Variants in TENM3 observed in about 807,000 individuals in gnomAD.
The protein encoded by TENM3 is teneurin transmembrane protein 3, also known as teneurin-3.
A neutral mutation model predicts 255.1 loss-of-function variants in TENM3; 63 were observed. The ratio of observed to expected loss-of-function variants is 0.25; its 90% CI spans 0.20 to 0.30. The LOEUF (loss-of-function observed/expected upper bound fraction) is 0.30. Among genes scored for constraint, TENM3 ranks in the 10% least tolerant of loss-of-function variants. TENM3 has a pLI of 1.00. For synonymous variants in TENM3, 1,306 were observed against 1,322.3 expected (o/e 0.99, Z 0.27); for missense variants, 2,929 against 3,461.1 (o/e 0.85, Z 3.86).
At chr4:182,473,924 C>T (rs1300771248) in intron 3 of TENM3, among the ~76,000 whole-genome samples, 3 of 152,160 alleles carry the variant, frequency 2.0e-5, no homozygotes, top group Non-Finnish European at 4.4e-5. Context: ...TGCCACTGCA[C>T]TCCAGCCTGG....
chr4:181,569,173 T>TA, the TENM3 span, among the ~76,000 whole-genome samples: 1 of 152,158 alleles, frequency 6.6e-6, no homozygotes, highest in Admixed American at 6.5e-5. Context: ...GTCTCTAAAA[T>TA]AAAAAACAGC....
the TENM3 span, among the ~76,000 whole-genome samples, chr4:182,138,806 T>C: frequency 2.0e-5 from 3 of 152,222 alleles, no homozygotes; most frequent in African/African-American, 7.2e-5. Context: ...TTTCTCATTG[T>C]TTTTGTCTTT....
chr4:181,802,145 A>G, the TENM3 span, among the ~76,000 whole-genome samples: 8 of 152,210 alleles, frequency 5.3e-5, no homozygotes, highest in African/African-American at 1.7e-4. Flanking sequence ...TTAACAGCCA[A>G]TCAAGGCACA....
intron 4 of TENM3, among the ~76,000 whole-genome samples, chr4:182,603,057 T>C (rs7668575): frequency 0.19 from 29,229 of 152,178 alleles, 3,193 homozygotes; most frequent in South Asian, 0.3. Flanking sequence ...TGGAATAATT[T>C]TGAGAAGAGT....
chr4:182,078,463 A>G, the TENM3 span, among the ~76,000 whole-genome samples: 5 of 152,170 alleles, frequency 3.3e-5, no homozygotes, highest in African/African-American at 1.2e-4. Flanking sequence ...TGGAGATTGC[A>G]GTGAGCTGAG....
At chr4:181,489,663 G>A in the TENM3 span, among the ~76,000 whole-genome samples, 2 of 152,142 alleles carry the variant, frequency 1.3e-5, no homozygotes, top group African/African-American at 4.8e-5. Context: ...GTACATGCAT[G>A]TGTGTGTATA....
At chr4:181,574,573 A>G in the TENM3 span, among the ~76,000 whole-genome samples, 1 of 152,152 alleles carries the variant, frequency 6.6e-6, no homozygotes, top group African/African-American at 2.4e-5. Context: ...GTTTATCAGG[A>G]TATGATCATT....
intron 18 of TENM3, among the ~76,000 whole-genome samples, chr4:182,740,778 T>G (rs896781759): frequency 3.9e-5 from 6 of 152,210 alleles, no homozygotes; most frequent in African/African-American, 1.2e-4. Flanking sequence ...ACACACATAT[T>G]CTAAACCAGA....
At chr4:182,114,443 T>C in the TENM3 span, among the ~76,000 whole-genome samples, 2 of 151,552 alleles carry the variant, frequency 1.3e-5, no homozygotes, top group African/African-American at 4.9e-5. Context: ...AGAATTTTAT[T>C]CCAATCGTTT....
the TENM3 span, among the ~76,000 whole-genome samples, chr4:182,083,974 C>T: frequency 6.6e-6 from 1 of 152,006 alleles, no homozygotes; most frequent in African/African-American, 2.4e-5. Context: ...AAAAAAGTGA[C>T]CTTTAATTCA....
rs1470014606 is a variant in TENM3 at position 182,282,892 on chromosome 4, C to CAA, written c.-76+39417_-76+39418insAA. On this transcript the variant is annotated intron_variant, in intron 1 of 27. Coordinates refer to ENST00000511685, the MANE Select transcript of TENM3 (RefSeq NM_001080477.4). ...TGGGTGGCAGAGTGAGACTCCATTT[C>CAA]AGAAAAAAAAAAAAAAAAAAAAAAT... is the stretch of plus-strand genomic sequence containing the variant. 6.1e-3 allele frequency among the ~76,000 whole-genome samples: 549 copies of CAA among 89,344 alleles called. 11 individuals carry two copies. The highest frequency in any genetic ancestry group is 0.026 in the African/African-American group (524 of 20,238). The allele number at this position is 89,344 out of a possible 152,430, so 58.6% of individuals were successfully genotyped here. A position where few individuals can be genotyped will look rare whatever the true frequency, so the allele number is the denominator to read the frequency against.
chr4:181,522,956 G>A, the TENM3 span: 1 of 715,256 alleles, frequency 1.4e-6, no homozygotes, highest in East Asian at 2.9e-5. Flanking sequence ...AGTATGAGAA[G>A]GCTGAGATAA....
intron 2 of TENM3, among the ~76,000 whole-genome samples, chr4:182,342,190 G>A (rs1244965686): frequency 1.3e-5 from 2 of 152,204 alleles, no homozygotes; most frequent in Admixed American, 6.5e-5. Context: ...GTACAGGAAT[G>A]TTCCTGGAAG....
At chr4:181,813,455 T>A in the TENM3 span, among the ~76,000 whole-genome samples, 6 of 152,202 alleles carry the variant, frequency 3.9e-5, no homozygotes, top group South Asian at 1.2e-3. Context: ...ACATCTCCAA[T>A]AGGTTGTTTG....
intron 1 of TENM3, among the ~76,000 whole-genome samples, chr4:182,243,723 T>C (rs1757440904): frequency 6.6e-6 from 1 of 152,150 alleles, no homozygotes; most frequent in African/African-American, 2.4e-5. Context: ...CCAAAAATAC[T>C]GTGAACTATT....
intron 22 of TENM3, among the ~76,000 whole-genome samples, chr4:182,757,074 A>G (rs1680107758): frequency 6.6e-6 from 1 of 152,064 alleles, no homozygotes; most frequent in South Asian, 2.1e-4. Context: ...GCACTTTGGG[A>G]GGCCGAGGCA....
intron 3 of TENM3, among the ~76,000 whole-genome samples, chr4:182,595,698 C>T (rs898196508): frequency 6.6e-6 from 1 of 151,894 alleles, no homozygotes; most frequent in Non-Finnish European, 1.5e-5. Context: ...TGCATAATTT[C>T]TCATAACCAT....
the TENM3 span, among the ~76,000 whole-genome samples, chr4:181,857,778 G>A: frequency 6.6e-6 from 1 of 151,850 alleles, no homozygotes; most frequent in Non-Finnish European, 1.5e-5. Context: ...AAAAAAGAGA[G>A]AGAGAGACTG....
chr4:182,332,157 A>G (rs905255951), intron 2 of TENM3, among the ~76,000 whole-genome samples: 13 of 152,170 alleles, frequency 8.5e-5, no homozygotes, highest in Non-Finnish European at 1.8e-4. Context: ...CATAAAATGT[A>G]GTAAAATTAG....
Sources: gnomAD v4.1 joint callset for allele counts (sites outside exome capture counted in the v4.1 genomes callset) on GRCh38, gnomAD v4.1.1 for gene constraint, MANE v1.5 for transcripts, NCBI Gene and HGNC (gene_info 2026-07-23, HGNC 2026-07-21) for gene names.